The following PCNX2 variants were observed in gnomAD, a reference collection of about 807,000 sequenced individuals.
PCNX2 encodes pecanex-like protein 2.
Under a neutral mutation model 223.8 loss-of-function variants are expected in PCNX2, and 168 were observed. The observed-to-expected ratio is 0.75, with a 90% CI of 0.66 to 0.85. The LOEUF is 0.85. PCNX2 is among the 40% of genes least tolerant of loss of function. PCNX2 has a pLI of 0.00. For synonymous variants in PCNX2, 1,006 were observed against 1,052.6 expected (o/e 0.96, Z 0.86); for missense variants, 2,507 against 2,675.5 (o/e 0.94, Z 1.39).
chr1:233,250,133 T>C (rs550702978), intron 8 of PCNX2, among the ~76,000 whole-genome samples: 13 of 152,334 alleles, frequency 8.5e-5, no homozygotes, highest in Non-Finnish European at 1.8e-4. Flanking sequence ...CCATATGGAT[T>C]ATCCACAAAG....
the PCNX2 span, among the ~76,000 whole-genome samples, chr1:233,314,941 T>C: frequency 6.6e-6 from 1 of 152,180 alleles, no homozygotes; most frequent in Non-Finnish European, 1.5e-5. Context: ...AAATAATACT[T>C]CACATTTATA....
chr1:233,086,880 C>T (rs1373397023), intron 23 of PCNX2: 1 of 324,520 alleles, frequency 3.1e-6, no homozygotes. Flanking sequence ...CACAATGAGC[C>T]ACTGCAGGCT....
At chr1:233,081,514 G>A (rs1003720714) in intron 23 of PCNX2, among the ~76,000 whole-genome samples, 1 of 152,150 alleles carries the variant, frequency 6.6e-6, no homozygotes, top group Non-Finnish European at 1.5e-5. Flanking sequence ...GTCTGGAGCT[G>A]TAAGAACCAG....
At chr1:233,275,944 C>T (rs1048646566) in intron 1 of PCNX2, among the ~76,000 whole-genome samples, 4 of 151,884 alleles carry the variant, frequency 2.6e-5, no homozygotes, top group Admixed American at 6.6e-5. Context: ...GCAGGAGAAT[C>T]GCTTGGAACC....
At chr1:233,180,804 A>G (rs1679750402) in intron 15 of PCNX2, 1 of 152,204 alleles carries the variant, frequency 6.6e-6, no homozygotes, top group Non-Finnish European at 1.5e-5. Flanking sequence ...CTGCATGGCT[A>G]CAAAGTCAGG....
intron 21 of PCNX2, among the ~76,000 whole-genome samples, chr1:233,121,873 T>C (rs1290225492): frequency 6.6e-6 from 1 of 152,216 alleles, no homozygotes; most frequent in East Asian, 1.9e-4. Context: ...TATACACACA[T>C]ATATTTCCTT....
rs1346018411 is a variant in PCNX2 at position 232,991,129 on chromosome 1, G to A, written c.5792-4589C>T. On this transcript the variant is annotated intron_variant, in intron 32 of 33. Transcript: ENST00000258229. The surrounding 1 kb of genome is among the most constrained non-coding windows in gnomAD (Gnocchi z 4.3). ...CAGACAAGGCACATGCATCAGGCAG[G>A]GATTGGAGGGGAGGAGAAAGTGGGG... 3.3e-5 allele frequency among the ~76,000 whole-genome samples: 5 copies of A among 152,196 alleles called. No homozygotes were observed. Among genetic ancestry groups the A allele is most frequent in the African/African-American group, 1.2e-4 (5 of 41,444 alleles).
At position 233,291,016 on chromosome 1, in the gene PCNX2, C is replaced by T. The variant is rs578090195; in HGVS notation, c.153+4310G>A. The T allele has an allele frequency of 3.2e-5, 32 of 985,420 alleles. 1 individual carries two copies. In the South Asian group the frequency reaches 1.3e-3, roughly 41 times the overall value. 61.0% of individuals were successfully genotyped at this position (985,420 alleles called of 1,614,324 possible). ...TCTCCAGTGGAGTTGACCACAATGC[C>T]ACTGGCATAATCATAATTCCACTGC... On this transcript the variant is annotated intron_variant, in intron 1 of 33. Transcript: ENST00000258229.
chr1:233,188,845 A>G (rs1488312074), intron 15 of PCNX2, among the ~76,000 whole-genome samples: 1 of 152,112 alleles, frequency 6.6e-6, no homozygotes, highest in East Asian at 1.9e-4. Flanking sequence ...TTAAATTTTA[A>G]TTTAAGTTAA....
At chr1:233,285,325 C>T (rs1661394918) in intron 1 of PCNX2, among the ~76,000 whole-genome samples, 1 of 151,862 alleles carries the variant, frequency 6.6e-6, no homozygotes, top group Admixed American at 6.6e-5. Flanking sequence ...GTTCTCCAGC[C>T]TGAGTGACAA....
At chr1:233,244,446 A>G (rs1274726048) in intron 8 of PCNX2, among the ~76,000 whole-genome samples, 1 of 152,172 alleles carries the variant, frequency 6.6e-6, no homozygotes, top group Non-Finnish European at 1.5e-5. Context: ...GCGGTGACTC[A>G]TGCCTATAAT....
chr1:233,007,529 T>C (rs2102806707), intron 28 of PCNX2, among the ~76,000 whole-genome samples: 1 of 152,180 alleles, frequency 6.6e-6, no homozygotes, highest in African/African-American at 2.4e-5. Context: ...ACTGGAGTCA[T>C]CTTCTTCTTT....
the PCNX2 span, among the ~76,000 whole-genome samples, chr1:233,325,991 T>C: frequency 2.6e-5 from 4 of 152,210 alleles, no homozygotes; most frequent in African/African-American, 9.6e-5. Context: ...ACTCCAACTT[T>C]TAGCAACCAC....
chr1:233,226,282 G>C (rs1657712186), intron 10 of PCNX2, among the ~76,000 whole-genome samples: 1 of 151,024 alleles, frequency 6.6e-6, no homozygotes, highest in African/African-American at 2.4e-5. Flanking sequence ...TTTCTGGGTG[G>C]GGGGGAGATT....
At chr1:233,243,018 T>C (rs1183676853) in intron 8 of PCNX2, among the ~76,000 whole-genome samples, 1 of 152,232 alleles carries the variant, frequency 6.6e-6, no homozygotes, top group Non-Finnish European at 1.5e-5. Flanking sequence ...CAAAGATACC[T>C]GCTCTATGGA....
At chr1:233,060,026 C>T (rs1476356463) in intron 23 of PCNX2, among the ~76,000 whole-genome samples, 1 of 152,190 alleles carries the variant, frequency 6.6e-6, no homozygotes, top group Non-Finnish European at 1.5e-5. Context: ...TGGGAACCAT[C>T]TAGGCAAGAT....
intron 15 of PCNX2, among the ~76,000 whole-genome samples, 169 bp downstream of exon 15, chr1:233,198,770 C>T (rs1368700819): frequency 1.3e-5 from 2 of 152,194 alleles, no homozygotes; most frequent in African/African-American, 4.8e-5. Flanking sequence ...AACCAGGCAT[C>T]CTGACCTGTC....
chr1:233,035,808 C>T (rs556238409), intron 25 of PCNX2, among the ~76,000 whole-genome samples: 1 of 152,296 alleles, frequency 6.6e-6, no homozygotes, highest in Non-Finnish European at 1.5e-5. Flanking sequence ...CAGTTTACTT[C>T]CACAGCCCAG....
In PCNX2 at chr1:233,016,767, GC is replaced by G. The variant is rs200576040; in HGVS notation, c.4839+153del. 376 of 980,360 alleles carry G rather than the reference GC, an allele frequency of 3.8e-4. 6 individuals carry two copies. In the East Asian group the frequency reaches 0.032, roughly 85 times the overall value. The allele number at this position is 980,360 out of a possible 1,614,324, so 60.7% of individuals were successfully genotyped here. Reference sequence around the variant, plus strand: ...TATATTGATTCTCCTATTTAATTTTGCTTACCTTCAATAAACATCTGTCCAA... The same window carrying G: ...TATATTGATTCTCCTATTTAATTTTGTTACCTTCAATAAACATCTGTCCAA... On this transcript the variant is annotated intron_variant, in intron 27 of 33. Coordinates refer to ENST00000258229, the MANE Select transcript of PCNX2 (RefSeq NM_014801.4).
Sources: gnomAD v4.1 joint callset for allele counts (sites outside exome capture counted in the v4.1 genomes callset) on GRCh38, gnomAD v4.1.1 for gene constraint, Gnocchi (gnomAD v3.1) non-coding constraint, MANE v1.5 for transcripts, NCBI Gene and HGNC (gene_info 2026-07-23, HGNC 2026-07-21) for gene names.